GDAP1: variants seen among roughly 807,000 people sequenced by gnomAD.
GDAP1 encodes the protein ganglioside induced differentiation associated protein 1.
In GDAP1, 34 loss-of-function variants were observed where a neutral mutation model predicts 40.1. That is an observed-to-expected ratio of 0.85 (90% CI 0.64 to 1.13). The LOEUF (loss-of-function observed/expected upper bound fraction) is 1.13. Ranked by LOEUF, GDAP1 falls within the 50% of genes most tolerant of loss-of-function variation. GDAP1 has a pLI of 0.00. For missense variants in GDAP1, 374 were observed against 433.7 expected (o/e 0.86, Z 1.22); for synonymous variants, 170 against 157.4 (o/e 1.08, Z -0.60).
rs1441803924 is a variant in GDAP1 at position 74,351,317 on chromosome 8, A to G, written c.161A>G (p.His54Arg). The change falls in exon 2 of 6, where the codon CAT becomes CGT. Residue 54 changes from histidine (H) to arginine (R), a missense_variant. Physicochemically the swap from His to Arg is conservative, Grantham distance 29. Transcript: ENST00000220822. Reference sequence around the variant, plus strand: ...GAAAAGGCATTGAAGTGCGAGGAACATGATGTAAGTCTGCCCTTGAGTGAG... The same window carrying G: ...GAAAAGGCATTGAAGTGCGAGGAACGTGATGTAAGTCTGCCCTTGAGTGAG... ...IAEKALKCEE[H>R]DVSLPLSEHN... The G allele has an allele frequency of 3.7e-6, 6 of 1,614,052 alleles. No individual in the cohort carries two copies. Among genetic ancestry groups the G allele is most frequent in the Non-Finnish European group, 5.1e-6 (6 of 1,179,994 alleles).
intron 2 of GDAP1, among the ~76,000 whole-genome samples, chr8:74,456,388 T>A (rs1011632914): frequency 6.6e-6 from 1 of 151,998 alleles, no homozygotes; most frequent in Non-Finnish European, 1.5e-5. Context: ...CAACTACTTA[T>A]CAATTTTTAT....
chr8:74,470,906 C>G (rs1806544475), intron 2 of GDAP1, among the ~76,000 whole-genome samples: 1 of 152,208 alleles, frequency 6.6e-6, no homozygotes, highest in Non-Finnish European at 1.5e-5. Flanking sequence ...CACATCCTCT[C>G]CAGCACCTGT....
At chr8:74,420,370 A>T (rs909860095) in intron 2 of GDAP1, among the ~76,000 whole-genome samples, 1 of 152,132 alleles carries the variant, frequency 6.6e-6, no homozygotes, top group African/African-American at 2.4e-5. Context: ...CAGTTGCTTA[A>T]TTTTCAGGGC....
chr8:74,471,186 A>G (rs1335942159), intron 2 of GDAP1, among the ~76,000 whole-genome samples: 2 of 151,908 alleles, frequency 1.3e-5, no homozygotes, highest in African/African-American at 4.8e-5. Context: ...ATTTTCTCCC[A>G]TTTTGTAGGT....
intron 2 of GDAP1, among the ~76,000 whole-genome samples, chr8:74,421,933 T>C (rs1805862102): frequency 6.6e-6 from 1 of 152,192 alleles, no homozygotes. Flanking sequence ...ATTATTAATA[T>C]ATTGCCTTAG....
At chr8:74,400,934 A>G (rs1198991312) in intron 2 of GDAP1, among the ~76,000 whole-genome samples, 2 of 149,818 alleles carry the variant, frequency 1.3e-5, no homozygotes, top group Non-Finnish European at 1.5e-5. Context: ...TGTTAGTCTG[A>G]TGGGCTTCCC....
At chr8:74,387,275 G>C (rs1810039434) in intron 2 of GDAP1, among the ~76,000 whole-genome samples, 1 of 152,198 alleles carries the variant, frequency 6.6e-6, no homozygotes, top group African/African-American at 2.4e-5. Flanking sequence ...CAAAGGGACT[G>C]CTTCCAGCTT....
intron 2 of GDAP1, among the ~76,000 whole-genome samples, chr8:74,353,819 G>T (rs1415005502): frequency 6.6e-6 from 1 of 152,164 alleles, no homozygotes; most frequent in Non-Finnish European, 1.5e-5. Context: ...GTAAGCACTG[G>T]TGTAAATTAC....
intron 2 of GDAP1, among the ~76,000 whole-genome samples, chr8:74,459,437 G>T (rs1806373652): frequency 6.6e-6 from 1 of 152,106 alleles, no homozygotes. Flanking sequence ...CGACCTCTGT[G>T]GATAGTAATT....
chr8:74,350,713 C>A (rs1808817444), intron 1 of GDAP1, 135 bp downstream of exon 1: 2 of 734,726 alleles, frequency 2.7e-6, no homozygotes, highest in East Asian at 5.2e-5. Flanking sequence ...GCAGGCGCTC[C>A]CTCCAGGCGG....
intron 2 of GDAP1, among the ~76,000 whole-genome samples, chr8:74,473,805 A>G (rs2128720871): frequency 7.1e-6 from 1 of 141,078 alleles, no homozygotes. Context: ...TTGGTTCTCT[A>G]TGAATTTTAG....
Position 74,449,155 on chromosome 8 carries a change from A to G in GDAP1, c.166-39523A>G, listed in dbSNP as rs540815317. ...CATTTTTGTCAAAAATCTATTGACT[A>G]TATATGTTTGAATCTGTTTCTGGGT... On this transcript the variant is annotated intron_variant, in intron 2 of 2. Coordinates refer to the GDAP1 transcript ENST00000523640. Among the ~76,000 whole-genome samples, 22 of 151,996 alleles carry G rather than the reference A, an allele frequency of 1.4e-4. 1 individual carries two copies. In the South Asian group the frequency reaches 4.6e-3, roughly 32 times the overall value.
chr8:74,420,032 A>G (rs2131558409), intron 2 of GDAP1, among the ~76,000 whole-genome samples: 1 of 152,330 alleles, frequency 6.6e-6, no homozygotes, highest in East Asian at 1.9e-4. Flanking sequence ...TCCTTATGAC[A>G]ATACCACACT....
intron 2 of GDAP1, among the ~76,000 whole-genome samples, chr8:74,468,975 AATG>A (rs1193339963): frequency 1.3e-5 from 2 of 152,088 alleles, no homozygotes; most frequent in African/African-American, 2.4e-5. Flanking sequence ...AAAAATTAGG[AATG>A]ATTTTGAATT....
chr8:74,476,507 T>G (rs1368729747), intron 2 of GDAP1, among the ~76,000 whole-genome samples: 1 of 152,220 alleles, frequency 6.6e-6, no homozygotes, highest in Non-Finnish European at 1.5e-5. Context: ...AATTTGCTCA[T>G]CTGAAAAAGA....
chr8:74,436,615 T>A (rs747810488), intron 2 of GDAP1, among the ~76,000 whole-genome samples: 1 of 151,736 alleles, frequency 6.6e-6, no homozygotes, highest in Non-Finnish European at 1.5e-5. Flanking sequence ...TAGAGATGGG[T>A]TTCATCATGT....
intron 2 of GDAP1, among the ~76,000 whole-genome samples, chr8:74,421,977 G>A (rs1586829693): frequency 6.6e-6 from 1 of 151,984 alleles, no homozygotes; most frequent in African/African-American, 2.4e-5. Context: ...TTGTATCTGC[G>A]AAGTTCTAAC....
chr8:74,372,721 G>A (rs1231913543), intron 2 of GDAP1, among the ~76,000 whole-genome samples: 3 of 152,176 alleles, frequency 2.0e-5, no homozygotes, highest in African/African-American at 7.2e-5. Flanking sequence ...TAGGTTGCCT[G>A]TTCACTCTGA....
At chr8:74,390,620 C>A (rs1302148044) in intron 2 of GDAP1, among the ~76,000 whole-genome samples, 1 of 151,712 alleles carries the variant, frequency 6.6e-6, no homozygotes, top group Non-Finnish European at 1.5e-5. Context: ...TGTCTGTTGA[C>A]CCTTGCTGGG....
Sources: gnomAD v4.1 joint callset for allele counts (sites outside exome capture counted in the v4.1 genomes callset) on GRCh38, gnomAD v4.1.1 for gene constraint, MANE v1.5 for transcripts, NCBI Gene and HGNC (gene_info 2026-07-23, HGNC 2026-07-21) for gene names.